RAB18: variants seen among roughly 807,000 people sequenced by gnomAD.
The protein encoded by RAB18 is ras-related protein Rab-18.
RAB18 carries 10 observed loss-of-function variants against 28.5 expected under a neutral mutation model. That is an observed-to-expected ratio of 0.35 (90% CI 0.22 to 0.60). The LOEUF (loss-of-function observed/expected upper bound fraction) is 0.60. Among genes scored for constraint, RAB18 ranks in the 20% least tolerant of loss-of-function variants. RAB18 has a pLI of 0.78. For synonymous variants in RAB18, 93 were observed against 86.9 expected (o/e 1.07, Z -0.39); for missense variants, 188 against 244.2 (o/e 0.77, Z 1.53).
Position 27,537,925 on chromosome 10 carries a change from T to A in RAB18, c.495T>A (p.Leu165=). The A allele has an allele frequency of 1.2e-6, 2 of 1,614,000 alleles. No homozygotes were observed. Among genetic ancestry groups the A allele is most frequent in the Non-Finnish European group, 1.7e-6 (2 of 1,179,974 alleles). The change falls in exon 7 of 7, where the codon CTT becomes CTA. Residue 165 remains leucine (L), a synonymous_variant. Transcript: ENST00000356940. Reference sequence around the variant, plus strand: ...GTGTACAATGTGCCTTTGAAGAACTTGTTGAAAAGATCATTCAGACCCCTG... The same window carrying A: ...GTGTACAATGTGCCTTTGAAGAACTAGTTGAAAAGATCATTCAGACCCCTG... The part of the protein sequence containing the change: ...CDGVQCAFEE[L]VEKIIQTPGL...
intron 2 of RAB18, among the ~76,000 whole-genome samples, chr10:27,525,975 C>T (rs1243382128): frequency 6.6e-6 from 1 of 152,186 alleles, no homozygotes; most frequent in African/African-American, 2.4e-5. Flanking sequence ...TGTTTTCCCT[C>T]TGGCCAGTGG....
At chr10:27,510,146 T>C (rs551186938) in intron 2 of RAB18, 2 of 579,282 alleles carry the variant, frequency 3.5e-6, no homozygotes, top group South Asian at 2.0e-5. Flanking sequence ...TGTTGTCTCA[T>C]GATACTTTAT....
intron 3 of RAB18, among the ~76,000 whole-genome samples, chr10:27,527,313 G>C (rs1191731623): frequency 3.3e-5 from 5 of 152,030 alleles, no homozygotes; most frequent in African/African-American, 1.2e-4. Flanking sequence ...TATAAAATTT[G>C]AGGTTTCAAA....
intron 2 of RAB18, among the ~76,000 whole-genome samples, chr10:27,523,383 C>G (rs896305159): frequency 2.0e-5 from 3 of 150,238 alleles, no homozygotes; most frequent in Non-Finnish European, 4.4e-5. Context: ...TATTTTCCCC[C>G]CTTCTCTCTT....
chr10:27,538,410 T>C lies in RAB18; in HGVS notation c.*359T>C. 2.2e-6 allele frequency: 1 copy of C among 459,988 alleles called. No homozygotes were observed. The highest frequency in any genetic ancestry group is 4.3e-6 in the Non-Finnish European group (1 of 230,602). The allele number at this position is 459,988 out of a possible 1,614,324, so 28.5% of individuals were successfully genotyped here. On this transcript the variant is annotated 3_prime_UTR_variant, in exon 7 of 7. Transcript: ENST00000356940. Reference sequence around the variant, plus strand: ...TTGCTTAAATACTCCTATCATTTTCTGAATTACTTGGTATTTAGAACTCCT... The same window carrying C: ...TTGCTTAAATACTCCTATCATTTTCCGAATTACTTGGTATTTAGAACTCCT...
chr10:27,539,730 T>C lies in RAB18; in HGVS notation c.*1679T>C. On this transcript the variant is annotated 3_prime_UTR_variant, in exon 7 of 7. Transcript: ENST00000356940. ...TCTTGATTTGGTCTAAATTTGAATATATATGAGTTACTTGAATATAACAAA... is the reference window on the plus strand; with the variant it reads ...TCTTGATTTGGTCTAAATTTGAATACATATGAGTTACTTGAATATAACAAA... 2.2e-6 allele frequency: 1 copy of C among 451,834 alleles called. No individual in the cohort carries two copies. The highest frequency in any genetic ancestry group is 4.4e-6 in the Non-Finnish European group (1 of 226,164). 28.0% of individuals were successfully genotyped at this position (451,834 alleles called of 1,614,324 possible).
At chr10:27,528,984 T>G (rs192898546) in intron 3 of RAB18, among the ~76,000 whole-genome samples, 1 of 152,044 alleles carries the variant, frequency 6.6e-6, no homozygotes, top group Non-Finnish European at 1.5e-5. Flanking sequence ...ATAAGTTTTC[T>G]TTTTACATAT....
chr10:27,521,882 T>TA lies in RAB18; in HGVS notation c.125-4936dup, dbSNP rs1162494853. Among the ~76,000 whole-genome samples the TA allele has an allele frequency of 7.2e-3, 1,072 of 148,604 alleles. 5 individuals are homozygous for TA. The highest frequency in any genetic ancestry group is 0.024 in the African/African-American group (976 of 40,602). On this transcript the variant is annotated intron_variant, in intron 2 of 6. Coordinates refer to ENST00000356940, the MANE Select transcript of RAB18 (RefSeq NM_021252.5). ...ATAGGATAAAGTATATGGGAGGATT[T>TA]AAAAAAAAAACAAGAGGGTGATGTG...
At position 27,504,379 on chromosome 10, in the gene RAB18, G is replaced by GACGC; in HGVS notation, c.13_14insCACG (p.Val5AlafsTer28). On this transcript the variant is annotated frameshift_variant, in exon 1 of 7. Transcript: ENST00000356940. LOFTEE classifies it high-confidence loss of function. Reference sequence around the variant, plus strand: ...GCGGAACGGGGTCAGGATGGACGAGGACGTGCTAACCACCCTGAAGATCCT... The same window carrying GACGC: ...GCGGAACGGGGTCAGGATGGACGAGGACGCACGTGCTAACCACCCTGAAGATCCT... 1 of 1,575,800 alleles carries GACGC rather than the reference G, an allele frequency of 6.3e-7. No homozygotes were observed. The highest frequency in any genetic ancestry group is 8.6e-7 in the Non-Finnish European group (1 of 1,161,124).
intron 2 of RAB18, among the ~76,000 whole-genome samples, chr10:27,511,492 C>T (rs767335257): frequency 5.9e-5 from 9 of 152,154 alleles, no homozygotes; most frequent in Non-Finnish European, 1.2e-4. Flanking sequence ...AGGTGTGAGC[C>T]ACCGCGTCGA....
rs373545501 is a variant in RAB18, at chr10:27,504,361, G to A, written c.-9G>A. ...CGGCCAGCTGGGCTCGGAGCGGAACGGGGTCAGGATGGACGAGGACGTGCT... is the reference window on the plus strand; with the variant it reads ...CGGCCAGCTGGGCTCGGAGCGGAACAGGGTCAGGATGGACGAGGACGTGCT... On this transcript the variant is annotated 5_prime_UTR_variant, in exon 1 of 7. Coordinates refer to ENST00000356940, the MANE Select transcript of RAB18 (RefSeq NM_021252.5). 4 of 1,572,422 alleles carry A rather than the reference G, an allele frequency of 2.5e-6. No individual in the cohort carries two copies. In the African/African-American group the frequency reaches 4.0e-5, roughly 16 times the overall value.
rs959454974 is a variant in RAB18, at chr10:27,537,929, G to A, written c.499G>A (p.Glu167Lys). The A allele has an allele frequency of 6.2e-7, 1 of 1,614,016 alleles. No homozygotes were observed. Among genetic ancestry groups the A allele is most frequent in the Non-Finnish European group, 8.5e-7 (1 of 1,179,970 alleles). ...ACAATGTGCCTTTGAAGAACTTGTTGAAAAGATCATTCAGACCCCTGGACT... is the reference window on the plus strand; with the variant it reads ...ACAATGTGCCTTTGAAGAACTTGTTAAAAAGATCATTCAGACCCCTGGACT... Reference protein sequence around the residue: ...GVQCAFEELVEKIIQTPGLWE... With the variant: ...GVQCAFEELVKKIIQTPGLWE... Residue 167 changes from glutamate (E) to lysine (K), a missense_variant, in exon 7 of 7, where the codon GAA (glutamate) becomes AAA (lysine). By Grantham distance (56) the Glu-to-Lys change is moderately conservative. Transcript: ENST00000356940.
intron 2 of RAB18, among the ~76,000 whole-genome samples, chr10:27,520,084 ACTT>A (rs1834515902): frequency 6.6e-6 from 1 of 152,194 alleles, no homozygotes; most frequent in Non-Finnish European, 1.5e-5. Flanking sequence ...GCGATGTATT[ACTT>A]TGATTCATTT....
At chr10:27,509,670 A>G (rs934127663) in intron 1 of RAB18, among the ~76,000 whole-genome samples, 4 of 152,122 alleles carry the variant, frequency 2.6e-5, no homozygotes, top group African/African-American at 9.7e-5. Flanking sequence ...ATAGTAAACT[A>G]CTTTGCTCTT....
intron 1 of RAB18, among the ~76,000 whole-genome samples, chr10:27,506,514 G>T (rs1837842690): frequency 6.6e-6 from 1 of 151,926 alleles, no homozygotes; most frequent in South Asian, 2.1e-4. Context: ...ATAGAGAGGA[G>T]GACTCACTGT....
At chr10:27,513,034 T>TATATATATATATATA (rs200640744) in intron 2 of RAB18, among the ~76,000 whole-genome samples, 19 of 116,410 alleles carry the variant, frequency 1.6e-4, no homozygotes, top group African/African-American at 6.1e-4. Flanking sequence ...ATATATATAT[T>TATATATATATATATA]TTTTTTTTTT....
intron 6 of RAB18, 90 bp downstream of exon 6, chr10:27,534,084 A>G (rs1834845069): frequency 8.7e-6 from 11 of 1,260,026 alleles, no homozygotes; most frequent in Non-Finnish European, 1.2e-5. Flanking sequence ...TATGAACCAT[A>G]AAATGTGTTT....
At position 27,533,813 on chromosome 10, in the gene RAB18, A is replaced by G. The variant is rs12268932; in HGVS notation, c.338A>G (p.Asn113Ser). 2.0e-5 allele frequency: 33 copies of G among 1,613,800 alleles called. No homozygotes were observed. The African/African-American group carries it at 4.3e-4, about 21-fold the overall frequency. ...GAATTGGAAACATACTGTACAAGAAATGACATAGTAAACATGCTAGTTGGA... is the reference window on the plus strand; with the variant it reads ...GAATTGGAAACATACTGTACAAGAAGTGACATAGTAAACATGCTAGTTGGA... ...LNELETYCTR[N>S]DIVNMLVGNK... is the part of the protein sequence containing the mutation. Residue 113 changes from asparagine (N) to serine (S), a missense_variant, in exon 5 of 7, where the codon AAT (asparagine) becomes AGT (serine). Asn to Ser is a conservative substitution (Grantham distance 46). Transcript: ENST00000356940.
chr10:27,540,758 A>G lies in RAB18; in HGVS notation c.*2707A>G, dbSNP rs1287262773. On this transcript the variant is annotated 3_prime_UTR_variant, in exon 7 of 7. Transcript: ENST00000356940. Reference sequence around the variant, plus strand: ...CTGGGGTGATGTTTTCATTTCATGTATTTGATTGCCATCCATAAACTCATA... The same window carrying G: ...CTGGGGTGATGTTTTCATTTCATGTGTTTGATTGCCATCCATAAACTCATA... 6.6e-6 allele frequency: 3 copies of G among 453,968 alleles called. No homozygotes were observed. The highest frequency in any genetic ancestry group is 4.0e-5 in the African/African-American group (2 of 49,996). The allele number at this position is 453,968 out of a possible 1,614,324, so 28.1% of individuals were successfully genotyped here.
Sources: gnomAD v4.1 joint callset for allele counts (sites outside exome capture counted in the v4.1 genomes callset) on GRCh38, gnomAD v4.1.1 for gene constraint, MANE v1.5 for transcripts, NCBI Gene and HGNC (gene_info 2026-07-23, HGNC 2026-07-21) for gene names.